The following ERBB4 variants were observed in gnomAD, a reference collection of about 807,000 sequenced individuals.
ERBB4 encodes the protein erb-b2 receptor tyrosine kinase 4.
ERBB4 carries 42 observed loss-of-function variants against 158.0 expected under a neutral mutation model. The ratio of observed to expected loss-of-function variants is 0.27; its 90% CI spans 0.21 to 0.34. The LOEUF is 0.34. Ranked by LOEUF, ERBB4 falls within the 10% of genes least tolerant of loss-of-function variation. The pLI is 1.00. For synonymous variants in ERBB4, 583 were observed against 558.7 expected (o/e 1.04, Z -0.61); for missense variants, 1,333 against 1,624.1 (o/e 0.82, Z 3.08).
chr2:211,943,751 G>C (rs762189025), intron 3 of ERBB4, among the ~76,000 whole-genome samples: 1 of 152,028 alleles, frequency 6.6e-6, no homozygotes. Flanking sequence ...AGAAAAATAG[G>C]TTTAAATCCA....
intron 2 of ERBB4, among the ~76,000 whole-genome samples, chr2:212,066,327 A>C (rs1026805298): frequency 2.6e-5 from 4 of 151,996 alleles, no homozygotes; most frequent in Non-Finnish European, 5.9e-5. Flanking sequence ...CTAGGAAAAA[A>C]TAAAATGGTT....
intron 20 of ERBB4, among the ~76,000 whole-genome samples, chr2:211,520,425 T>G (rs1663909799): frequency 6.6e-6 from 1 of 152,084 alleles, no homozygotes; most frequent in Non-Finnish European, 1.5e-5. Flanking sequence ...AATATAGTCC[T>G]TAGGCCAAAT....
chr2:211,495,561 A>G (rs2065448227), intron 20 of ERBB4, among the ~76,000 whole-genome samples: 1 of 152,090 alleles, frequency 6.6e-6, no homozygotes. Flanking sequence ...ACCTTCTTGT[A>G]ACCTCATAAT....
chr2:211,946,393 CAT>C (rs1320115482), intron 3 of ERBB4, among the ~76,000 whole-genome samples: 1 of 151,800 alleles, frequency 6.6e-6, no homozygotes, highest in Non-Finnish European at 1.5e-5. Flanking sequence ...ATTCTAAGGA[CAT>C]ATCTCTAAAC....
At chr2:211,852,755 AAAG>A (rs1331611464) in intron 3 of ERBB4, among the ~76,000 whole-genome samples, 6 of 151,438 alleles carry the variant, frequency 4.0e-5, no homozygotes, top group Admixed American at 2.0e-4. Flanking sequence ...ATATGTGGGA[AAAG>A]AAGATGTTTC....
At chr2:211,451,447 C>T (rs1029423342) in intron 20 of ERBB4, among the ~76,000 whole-genome samples, 6 of 152,080 alleles carry the variant, frequency 3.9e-5, no homozygotes, top group Admixed American at 6.5e-5. Context: ...AGGGAACTAG[C>T]GAGGAATTAA....
At chr2:211,670,160 T>C (rs1003131613) in intron 14 of ERBB4, among the ~76,000 whole-genome samples, 1 of 152,204 alleles carries the variant, frequency 6.6e-6, no homozygotes, top group African/African-American at 2.4e-5. Flanking sequence ...TAGATGACTG[T>C]TATCTGGCAC....
At chr2:212,215,959 AC>A (rs1384693871) in intron 1 of ERBB4, among the ~76,000 whole-genome samples, 1 of 151,330 alleles carries the variant, frequency 6.6e-6, no homozygotes, top group Non-Finnish European at 1.5e-5. Flanking sequence ...CTGGTAATAA[AC>A]CCCTTCACAC....
chr2:212,295,525 CA>C (rs2086379793), intron 1 of ERBB4, among the ~76,000 whole-genome samples: 1 of 152,074 alleles, frequency 6.6e-6, no homozygotes, highest in African/African-American at 2.4e-5. Flanking sequence ...CATACACACA[CA>C]CAAATTATTG....
intron 3 of ERBB4, among the ~76,000 whole-genome samples, chr2:211,814,096 T>G (rs1016833500): frequency 2.0e-5 from 3 of 152,028 alleles, no homozygotes; most frequent in African/African-American, 7.2e-5. Flanking sequence ...AATACGTGAG[T>G]AAAAAATTGA....
chr2:212,014,954 A>G (rs553309340), intron 2 of ERBB4, among the ~76,000 whole-genome samples: 2 of 147,900 alleles, frequency 1.4e-5, no homozygotes, highest in African/African-American at 5.0e-5. Context: ...GCACTTTGGG[A>G]GGCGAAGGCG....
chr2:211,899,867 C>A (rs1161142916), intron 3 of ERBB4, among the ~76,000 whole-genome samples: 1 of 152,044 alleles, frequency 6.6e-6, no homozygotes, highest in Admixed American at 6.6e-5. Context: ...TCTTGACTGG[C>A]AGCTAATAAA....
chr2:211,497,141 T>G (rs1056114409), intron 20 of ERBB4, among the ~76,000 whole-genome samples: 8 of 152,142 alleles, frequency 5.3e-5, no homozygotes, highest in Non-Finnish European at 1.0e-4. Context: ...ATAAATGTTG[T>G]TATAAAAATG....
At chr2:211,653,125 T>C (rs924443336) in intron 16 of ERBB4, among the ~76,000 whole-genome samples, 8 of 152,026 alleles carry the variant, frequency 5.3e-5, no homozygotes, top group African/African-American at 1.7e-4. Context: ...GCTAAACATA[T>C]TTTTTATAGG....
At chr2:211,757,759 A>C (rs534189265) in intron 4 of ERBB4, among the ~76,000 whole-genome samples, 4 of 152,328 alleles carry the variant, frequency 2.6e-5, no homozygotes, top group Middle Eastern at 3.4e-3. Flanking sequence ...AGTTGTGCAA[A>C]GGCTTGAAGA....
intron 1 of ERBB4, among the ~76,000 whole-genome samples, chr2:212,483,823 G>A (rs1017363653): frequency 2.0e-5 from 3 of 152,044 alleles, no homozygotes; most frequent in African/African-American, 4.8e-5. Flanking sequence ...TGCAAGCTCC[G>A]CCTTCAGGGT....
intron 4 of ERBB4, among the ~76,000 whole-genome samples, chr2:211,754,199 C>G (rs1027930367): frequency 6.6e-6 from 1 of 151,874 alleles, no homozygotes; most frequent in African/African-American, 2.4e-5. Flanking sequence ...TCTTATGTGT[C>G]TGTCATATTC....
At chr2:211,926,131 A>G (rs1336673452) in intron 3 of ERBB4, among the ~76,000 whole-genome samples, 1 of 152,196 alleles carries the variant, frequency 6.6e-6, no homozygotes, top group Non-Finnish European at 1.5e-5. Context: ...GCCAGTCCTG[A>G]CATGGCTGAG....
chr2:211,602,307 G>A (rs1271313006), intron 19 of ERBB4, among the ~76,000 whole-genome samples: 1 of 152,048 alleles, frequency 6.6e-6, no homozygotes, highest in Admixed American at 6.5e-5. Context: ...TTCCAGTGCA[G>A]GTGCTTGGAC....
Sources: allele counts gnomAD v4.1 joint callset (sites outside exome capture counted in the v4.1 genomes callset), GRCh38; gene constraint gnomAD v4.1.1; transcripts MANE v1.5; gene names NCBI Gene and HGNC (gene_info 2026-07-23, HGNC 2026-07-21).